GTF2IRD1: variants seen among roughly 807,000 people sequenced by gnomAD.
GTF2IRD1 encodes GTF2I repeat domain containing 1.
Under a neutral mutation model 113.2 loss-of-function variants are expected in GTF2IRD1, and 26 were observed. The ratio of observed to expected loss-of-function variants is 0.23; its 90% CI spans 0.17 to 0.32. The LOEUF (loss-of-function observed/expected upper bound fraction) is 0.32. GTF2IRD1 is among the 10% of genes least tolerant of loss of function. GTF2IRD1 has a pLI of 1.00. For synonymous variants in GTF2IRD1, 484 were observed against 529.1 expected, an observed-to-expected ratio of 0.91 and a Z score of 1.17; for missense variants, 864 against 1,280.8, an observed-to-expected ratio of 0.67 and a Z score of 4.97.
chr7:74,582,543 G>GC (rs1202020410), intron 22 of GTF2IRD1, among the ~76,000 whole-genome samples: 1 of 152,126 alleles, frequency 6.6e-6, no homozygotes, highest in African/African-American at 2.4e-5. Flanking sequence ...ACAGGCATGA[G>GC]CCACTGTGCC....
In GTF2IRD1 at chr7:74,602,551, A is replaced by G; in HGVS notation, c.*118A>G. On this transcript the variant is annotated 3_prime_UTR_variant, in exon 27 of 27. Coordinates refer to ENST00000424337, the MANE Select transcript of GTF2IRD1 (RefSeq NM_005685.4). ...TAGTTTTTCCAATGATTTTTACACTATATTCCTGCCACCAAGGCCTTTTTA... is the reference window on the plus strand; with the variant it reads ...TAGTTTTTCCAATGATTTTTACACTGTATTCCTGCCACCAAGGCCTTTTTA... The G allele has an allele frequency of 1.5e-6, 1 of 674,508 alleles. No individual in the cohort carries two copies. The highest frequency in any genetic ancestry group is 1.8e-5 in the African/African-American group (1 of 54,586). The allele number at this position is 674,508 out of a possible 1,614,324, so 41.8% of individuals were successfully genotyped here.
At position 74,508,089 on chromosome 7, in the gene GTF2IRD1, G is replaced by T. The variant is rs1267252308; in HGVS notation, c.9G>T (p.Leu3Phe). The change falls in exon 2 of 27, where the codon TTG becomes TTT. Residue 3 changes from leucine to phenylalanine, a missense_variant. Leu to Phe is a conservative substitution (Grantham distance 22). Transcript: ENST00000424337. ...CCTCCCCACAGGCGACCATGGCCTTGCTGGGTAAGCGCTGTGACGTCCCCA... is the reference window on the plus strand; with the variant it reads ...CCTCCCCACAGGCGACCATGGCCTTTCTGGGTAAGCGCTGTGACGTCCCCA... MA[L>F]LGKRCDVPTN... 2 of 1,607,686 alleles carry T rather than the reference G, an allele frequency of 1.2e-6. No individual in the cohort carries two copies. Among genetic ancestry groups the T allele is most frequent in the Non-Finnish European group, 1.7e-6 (2 of 1,179,676 alleles).
intron 22 of GTF2IRD1, among the ~76,000 whole-genome samples, chr7:74,575,125 G>A (rs1036824166): frequency 2.0e-5 from 3 of 152,094 alleles, no homozygotes; most frequent in South Asian, 2.1e-4. Flanking sequence ...CCAGCCTCAC[G>A]GAGCCTACAT....
intron 1 of GTF2IRD1, among the ~76,000 whole-genome samples, chr7:74,495,642 G>C (rs962885193): frequency 1.3e-5 from 2 of 152,194 alleles, no homozygotes; most frequent in Non-Finnish European, 2.9e-5. Context: ...TCCTGGAGGA[G>C]GAGGGAAGGA....
chr7:74,489,038 A>G (rs1795178018), intron 1 of GTF2IRD1, among the ~76,000 whole-genome samples: 2 of 151,768 alleles, frequency 1.3e-5, no homozygotes, highest in Admixed American at 1.3e-4. Flanking sequence ...GCTACTCAGG[A>G]GGCTGAGGCA....
At chr7:74,545,149 G>A (rs1425357827) in intron 15 of GTF2IRD1, among the ~76,000 whole-genome samples, 4 of 152,130 alleles carry the variant, frequency 2.6e-5, no homozygotes, top group Non-Finnish European at 4.4e-5. Context: ...AGGCCTGAAA[G>A]CACAAAATTT....
intron 9 of GTF2IRD1, among the ~76,000 whole-genome samples, chr7:74,531,243 C>T (rs1006662822): frequency 1.3e-5 from 2 of 151,298 alleles, no homozygotes; most frequent in Non-Finnish European, 1.5e-5. Context: ...TGGTGGCGCA[C>T]GCCTGTAGTC....
In GTF2IRD1 at chr7:74,508,272, C is replaced by T. The variant is rs763769625; in HGVS notation, c.123+69C>T. 5.6e-4 allele frequency: 844 copies of T among 1,518,680 alleles called. 2 individuals are homozygous for T. Among genetic ancestry groups the T allele is most frequent in the Non-Finnish European group, 7.1e-4 (794 of 1,117,786 alleles). The allele number at this position is 1,518,680 out of a possible 1,614,324, so 94.1% of individuals were successfully genotyped here. ...TCCCCACCTGCCTTGTAGCTCAAGT[C>T]CTACCTCAGCTACTCGAAGGAGCTT... On this transcript the variant is annotated intron_variant, in intron 2 of 26. Transcript: ENST00000424337.
chr7:74,542,707 C>T (rs1311554667), intron 14 of GTF2IRD1, among the ~76,000 whole-genome samples: 2 of 152,238 alleles, frequency 1.3e-5, no homozygotes, highest in Non-Finnish European at 2.9e-5. Flanking sequence ...TGGTTGACGC[C>T]AAGCTCAGGC....
At chr7:74,561,998 C>T (rs1413418012) in intron 22 of GTF2IRD1, among the ~76,000 whole-genome samples, 13 of 152,128 alleles carry the variant, frequency 8.5e-5, no homozygotes, top group African/African-American at 2.4e-4. Flanking sequence ...GGCGTTGGCA[C>T]CCAAGCCAGG....
intron 9 of GTF2IRD1, among the ~76,000 whole-genome samples, chr7:74,530,770 C>A (rs1797919490): frequency 1.3e-5 from 2 of 152,034 alleles, no homozygotes; most frequent in South Asian, 4.1e-4. Context: ...ATTAAAACAT[C>A]ATTAAGTGCA....
At chr7:74,471,856 GT>G (rs1468853403) in intron 1 of GTF2IRD1, among the ~76,000 whole-genome samples, 1 of 151,952 alleles carries the variant, frequency 6.6e-6, no homozygotes, top group East Asian at 1.9e-4. Flanking sequence ...GCCAGGCATG[GT>G]GGTGGGTGCC....
At chr7:74,507,293 G>A (rs1332926564) in intron 1 of GTF2IRD1, 2 of 152,052 alleles carry the variant, frequency 1.3e-5, no homozygotes, top group East Asian at 3.9e-4. Flanking sequence ...GGCCAACATG[G>A]TGAAACCCCA....
intron 22 of GTF2IRD1, among the ~76,000 whole-genome samples, chr7:74,562,633 TC>T (rs1554359461): frequency 7.1e-6 from 1 of 139,930 alleles, no homozygotes; most frequent in Admixed American, 8.1e-5. Context: ...AATGGTGTGA[TC>T]CTGGTTCACT....
At chr7:74,535,733 G>A (rs1423175374) in intron 10 of GTF2IRD1, among the ~76,000 whole-genome samples, 1 of 152,196 alleles carries the variant, frequency 6.6e-6, no homozygotes, top group Non-Finnish European at 1.5e-5. Context: ...GGTCTTGTGG[G>A]CTTCAGTGTC....
chr7:74,590,947 G>T lies in GTF2IRD1; in HGVS notation c.2521G>T (p.Asp841Tyr), dbSNP rs782620258. ...CCCCTTCCGGAACCCCAACACGTAC[G>T]ACATCCACCGGCTGGAGAAGATCCT... Reference protein sequence around the residue: ...DIPFRNPNTYDIHRLEKILKA... With the variant: ...DIPFRNPNTYYIHRLEKILKA... Residue 841 changes from aspartate (D) to tyrosine (Y), a missense_variant, in exon 24 of 27, where the codon GAC becomes TAC. Asp to Tyr is a radical substitution (Grantham distance 160). Around this residue, in one of 7 missense-constraint regions of GTF2IRD1, gnomAD observed 195 missense variants for 359.1 expected, o/e 0.54. Transcript: ENST00000424337. The T allele has an allele frequency of 6.2e-7, 1 of 1,613,602 alleles. No individual in the cohort carries two copies. The highest frequency in any genetic ancestry group is 1.7e-5 in the Admixed American group (1 of 59,968).
intron 1 of GTF2IRD1, among the ~76,000 whole-genome samples, chr7:74,467,737 AG>A (rs1793813060): frequency 6.6e-6 from 1 of 152,112 alleles, no homozygotes. Flanking sequence ...TCTGTCACCC[AG>A]GCTGGAGTGC....
intron 3 of GTF2IRD1, among the ~76,000 whole-genome samples, chr7:74,514,786 C>T (rs1554344113): frequency 6.6e-6 from 1 of 151,850 alleles, no homozygotes; most frequent in Non-Finnish European, 1.5e-5. Context: ...TGTCAGAGCA[C>T]AGAAAGGCAT....
intron 1 of GTF2IRD1, among the ~76,000 whole-genome samples, chr7:74,471,715 C>T (rs559882417): frequency 2.0e-5 from 3 of 150,174 alleles, no homozygotes; most frequent in Non-Finnish European, 3.0e-5. Context: ...AAAAAACGGC[C>T]GGGTGCGGTG....
Sources: allele counts gnomAD v4.1 joint callset (sites outside exome capture counted in the v4.1 genomes callset), GRCh38; gene constraint gnomAD v4.1.1; regional missense constraint gnomAD v4.1.1; transcripts MANE v1.5; gene names NCBI Gene and HGNC (gene_info 2026-07-23, HGNC 2026-07-21).